The following NKAIN2 variants were observed in gnomAD, a reference collection of about 807,000 sequenced individuals.
NKAIN2 encodes sodium/potassium transporting ATPase interacting 2, also known as sodium/potassium-transporting ATPase subunit beta-1-interacting protein 2.
A neutral mutation model predicts 32.6 loss-of-function variants in NKAIN2; 14 were observed. The observed-to-expected ratio is 0.43, with a 90% CI of 0.28 to 0.67. The LOEUF is 0.67. NKAIN2 is among the 30% of genes least tolerant of loss of function. The pLI, the probability that NKAIN2 is intolerant of heterozygous loss-of-function variation, is 0.17. For missense variants in NKAIN2, 198 were observed against 258.3 expected, an observed-to-expected ratio of 0.77 and a Z score of 1.60; for synonymous variants, 80 against 87.2, an observed-to-expected ratio of 0.92 and a Z score of 0.46.
At chr6:124,363,156 T>A (rs1427114705) in intron 3 of NKAIN2, among the ~76,000 whole-genome samples, 1 of 152,118 alleles carries the variant, frequency 6.6e-6, no homozygotes, top group Non-Finnish European at 1.5e-5. Context: ...TGTGGACTAC[T>A]AAAATCCTTA....
chr6:124,469,764 A>C (rs1425730588), intron 3 of NKAIN2, among the ~76,000 whole-genome samples: 1 of 152,166 alleles, frequency 6.6e-6, no homozygotes, highest in Non-Finnish European at 1.5e-5. Context: ...AGAGATCCAC[A>C]ATAAAGTGTA....
intron 1 of NKAIN2, among the ~76,000 whole-genome samples, chr6:123,972,643 C>T (rs1027409247): frequency 9.2e-5 from 14 of 152,220 alleles, no homozygotes; most frequent in African/African-American, 2.6e-4. Context: ...AGAAAGTCCC[C>T]CTTGCCTTAT....
At chr6:124,104,982 T>C (rs1785049722) in intron 1 of NKAIN2, among the ~76,000 whole-genome samples, 1 of 152,198 alleles carries the variant, frequency 6.6e-6, no homozygotes, top group Non-Finnish European at 1.5e-5. Flanking sequence ...CTTCTGTCAA[T>C]GTTGGACTTT....
intron 1 of NKAIN2, among the ~76,000 whole-genome samples, chr6:124,226,324 C>T (rs1046815975): frequency 2.6e-5 from 4 of 151,918 alleles, no homozygotes; most frequent in African/African-American, 7.3e-5. Context: ...CAGCATCTGC[C>T]TATTTGTATA....
chr6:124,349,003 TG>T (rs1798586219), intron 2 of NKAIN2, among the ~76,000 whole-genome samples: 1 of 152,156 alleles, frequency 6.6e-6, no homozygotes, highest in South Asian at 2.1e-4. Flanking sequence ...TGCTAGCAGT[TG>T]TTTTTAAGAC....
intron 1 of NKAIN2, among the ~76,000 whole-genome samples, chr6:123,990,076 T>C (rs1582892764): frequency 1.3e-5 from 2 of 152,256 alleles, no homozygotes; most frequent in Admixed American, 6.5e-5. Context: ...AATGGCAGGA[T>C]GGAGTGAGTG....
At chr6:123,888,559 C>A (rs946847794) in intron 1 of NKAIN2, among the ~76,000 whole-genome samples, 4 of 152,012 alleles carry the variant, frequency 2.6e-5, no homozygotes, top group African/African-American at 9.7e-5. Flanking sequence ...TTGTCTCTTG[C>A]CACAATAATC....
intron 2 of NKAIN2, among the ~76,000 whole-genome samples, chr6:124,322,620 G>T (rs912903043): frequency 6.6e-6 from 1 of 151,840 alleles, no homozygotes; most frequent in Non-Finnish European, 1.5e-5. Flanking sequence ...GACTATTATT[G>T]AAACAATTTG....
At chr6:124,135,058 A>G (rs1415662396) in intron 1 of NKAIN2, among the ~76,000 whole-genome samples, 1 of 152,032 alleles carries the variant, frequency 6.6e-6, no homozygotes, top group East Asian at 1.9e-4. Flanking sequence ...AAGAGAGAGA[A>G]GGTCACAAAC....
chr6:124,244,314 C>T (rs1017947717), intron 1 of NKAIN2, among the ~76,000 whole-genome samples: 1 of 141,552 alleles, frequency 7.1e-6, no homozygotes, highest in Admixed American at 7.7e-5. Context: ...TTTTTCAATT[C>T]CCACCTATGA....
chr6:123,906,439 C>T (rs553463436), intron 1 of NKAIN2, among the ~76,000 whole-genome samples: 5 of 152,136 alleles, frequency 3.3e-5, no homozygotes, highest in African/African-American at 9.6e-5. Flanking sequence ...TACAGGCATG[C>T]GCCATCACAT....
In NKAIN2 at chr6:123,911,793, A is replaced by ATGTATATATATG. The variant is rs60162487; in HGVS notation, c.54+107540_54+107541insGTATATATATGT. Among the ~76,000 whole-genome samples the ATGTATATATATG allele has an allele frequency of 3.1e-3, 327 of 104,266 alleles. 12 individuals are homozygous for ATGTATATATATG. The highest frequency in any genetic ancestry group is 0.013 in the African/African-American group (305 of 22,886). The allele number at this position is 104,266 out of a possible 152,430, so 68.4% of individuals were successfully genotyped here. A position where few individuals can be genotyped will look rare whatever the true frequency, so the allele number is the denominator to read the frequency against. On this transcript the variant is annotated intron_variant, in intron 1 of 6. Transcript: ENST00000368417. The stretch of plus-strand genomic sequence containing the variant: ...TATATACATACATACATATATATAT[A>ATGTATATATATG]TATATATGTATATATATATACACAC...
At chr6:124,278,679 A>ATATATATATG (rs1795155180) in intron 1 of NKAIN2, among the ~76,000 whole-genome samples, 1 of 126,512 alleles carries the variant, frequency 7.9e-6, no homozygotes, top group Non-Finnish European at 1.7e-5. Context: ...ATATATATAT[A>ATATATATATG]TATATATATA....
intron 1 of NKAIN2, among the ~76,000 whole-genome samples, chr6:123,893,835 A>T (rs1472211509): frequency 1.3e-5 from 2 of 152,146 alleles, no homozygotes; most frequent in African/African-American, 2.4e-5. Flanking sequence ...CAGGGGGAGG[A>T]GGCCTATTTG....
intron 1 of NKAIN2, among the ~76,000 whole-genome samples, chr6:123,912,150 G>A (rs1775247434): frequency 6.6e-6 from 1 of 151,692 alleles, no homozygotes; most frequent in South Asian, 2.1e-4. Context: ...AGTGATTAAA[G>A]GGTTTTTATT....
At chr6:124,064,621 A>C (rs1783076090) in intron 1 of NKAIN2, among the ~76,000 whole-genome samples, 1 of 151,796 alleles carries the variant, frequency 6.6e-6, no homozygotes, top group Non-Finnish European at 1.5e-5. Context: ...TAAGAAATCC[A>C]CTCTTTTCTC....
chr6:124,314,262 C>T (rs917175233), intron 2 of NKAIN2, among the ~76,000 whole-genome samples: 9 of 152,070 alleles, frequency 5.9e-5, no homozygotes, highest in African/African-American at 2.2e-4. Context: ...ATTTACCTTA[C>T]CTTTTAAATC....
At chr6:124,735,264 A>C (rs1776879763) in intron 4 of NKAIN2, among the ~76,000 whole-genome samples, 1 of 151,898 alleles carries the variant, frequency 6.6e-6, no homozygotes, top group Non-Finnish European at 1.5e-5. Context: ...TTTTATTTGA[A>C]TCTTGGCTCT....
At chr6:123,959,951 G>A (rs997336698) in intron 1 of NKAIN2, among the ~76,000 whole-genome samples, 1 of 151,358 alleles carries the variant, frequency 6.6e-6, no homozygotes, top group African/African-American at 2.4e-5. Context: ...GTGTGTGTGT[G>A]TGTGTGTGTG....
Sources: gnomAD v4.1 joint callset for allele counts (sites outside exome capture counted in the v4.1 genomes callset) on GRCh38, gnomAD v4.1.1 for gene constraint, MANE v1.5 for transcripts, NCBI Gene and HGNC (gene_info 2026-07-23, HGNC 2026-07-21) for gene names.